The following ZNF536 variants were observed in gnomAD, a reference collection of about 807,000 sequenced individuals.
The protein encoded by ZNF536 is zinc finger protein 536.
A neutral mutation model predicts 84.5 loss-of-function variants in ZNF536; 13 were observed. That is an observed-to-expected ratio of 0.15 (90% CI 0.10 to 0.24). The LOEUF (loss-of-function observed/expected upper bound fraction) is 0.24, where lower values mean the gene tolerates loss of function less well. Ranked by LOEUF, ZNF536 falls within the 10% of genes least tolerant of loss-of-function variation. The probability of loss-of-function intolerance (pLI) is 1.00; values close to 1 mark genes in which losing one functional copy is unlikely to be tolerated. For missense variants in ZNF536, 1,536 were observed against 1,747.5 expected, an observed-to-expected ratio of 0.88 and a Z score of 2.16; for synonymous variants, 811 against 742.5, an observed-to-expected ratio of 1.09 and a Z score of -1.50.
chr19:30,255,106 G>A (rs2024839533), intron 1 of ZNF536, among the ~76,000 whole-genome samples: 1 of 152,098 alleles, frequency 6.6e-6, no homozygotes, highest in Non-Finnish European at 1.5e-5. Flanking sequence ...GCACCGTGTG[G>A]CATAATTTGC....
rs2052253361 is a variant in ZNF536 at position 30,445,046 on chromosome 19, T to G, written c.1484T>G (p.Val495Gly). 6.2e-7 allele frequency: 1 copy of G among 1,613,468 alleles called. No homozygotes were observed. ...TCCCTCCTGGGATGCCTCAATCTCG[T>G]GCCGCCGCTGAAATCCAGCTGCATC... is the stretch of plus-strand genomic sequence containing the variant. ...KHSLLGCLNL[V>G]PPLKSSCIER... Residue 495 changes from valine to glycine, a missense_variant, in exon 2 of 5, where the codon GTG (valine) becomes GGG (glycine). Around this residue, in one of 8 missense-constraint regions of ZNF536, gnomAD observed 366 missense variants for 364.4 expected, o/e 1.00. Transcript: ENST00000355537. The surrounding 1 kb of genome is among the most constrained non-coding windows in gnomAD (Gnocchi z 4.5).
chr19:30,606,177 A>C (rs893103628), intron 1 of ZNF536, among the ~76,000 whole-genome samples: 32 of 143,940 alleles, frequency 2.2e-4, no homozygotes, highest in Admixed American at 5.1e-4. Context: ...AAATAAATAA[A>C]ATAAAATAAA....
chr19:30,691,474 G>A (rs2051406684), intron 1 of ZNF536, among the ~76,000 whole-genome samples: 1 of 151,868 alleles, frequency 6.6e-6, no homozygotes, highest in South Asian at 2.1e-4. Flanking sequence ...GACATCAAAG[G>A]GGGTCTCACG....
intron 1 of ZNF536, among the ~76,000 whole-genome samples, chr19:30,384,457 C>T (rs1326240053): frequency 2.0e-5 from 3 of 150,794 alleles, no homozygotes; most frequent in Admixed American, 1.3e-4. Context: ...GGTGTCATGG[C>T]CAAGACCCTC....
chr19:30,609,773 CCCATCCAT>C (rs34324485), intron 1 of ZNF536, among the ~76,000 whole-genome samples: 25 of 136,850 alleles, frequency 1.8e-4, no homozygotes, highest in East Asian at 8.9e-4. Context: ...CACCCATCTA[CCCATCCAT>C]CCATCCATCC....
chr19:30,505,251 A>G (rs534777461), intron 2 of ZNF536, among the ~76,000 whole-genome samples: 199 of 143,120 alleles, frequency 1.4e-3, no homozygotes, highest in African/African-American at 4.8e-3. Context: ...ATATTTATTA[A>G]TATATAATAC....
At chr19:30,470,061 C>T (rs1308311750) in intron 2 of ZNF536, among the ~76,000 whole-genome samples, 2 of 152,230 alleles carry the variant, frequency 1.3e-5, no homozygotes, top group Non-Finnish European at 2.9e-5. Flanking sequence ...CTTCAAGCTG[C>T]CGTGGACAGC....
At chr19:30,568,621 G>A (rs1490930092) in intron 1 of ZNF536, among the ~76,000 whole-genome samples, 1 of 152,028 alleles carries the variant, frequency 6.6e-6, no homozygotes, top group African/African-American at 2.4e-5. Context: ...CCTGTCAATG[G>A]TTTTCCAAGG....
intron 1 of ZNF536, among the ~76,000 whole-genome samples, chr19:30,261,434 G>A (rs1356665839): frequency 6.6e-6 from 1 of 151,936 alleles, no homozygotes; most frequent in Non-Finnish European, 1.5e-5. Context: ...GCTCATGCCT[G>A]TAGGTGCTAT....
chr19:30,232,883 C>G (rs184127137), intron 1 of ZNF536, among the ~76,000 whole-genome samples: 1 of 152,186 alleles, frequency 6.6e-6, no homozygotes, highest in Non-Finnish European at 1.5e-5. Context: ...CTATGATAAT[C>G]AAAAATGTCT....
intron 1 of ZNF536, among the ~76,000 whole-genome samples, chr19:30,684,474 C>A (rs1411784732): frequency 6.6e-6 from 1 of 152,200 alleles, no homozygotes; most frequent in Non-Finnish European, 1.5e-5. Context: ...CTTCTAAAGA[C>A]AACACGTCAA....
At chr19:30,423,247 A>G (rs1430340024) in intron 1 of ZNF536, among the ~76,000 whole-genome samples, 4 of 150,134 alleles carry the variant, frequency 2.7e-5, no homozygotes, top group East Asian at 3.9e-4. Flanking sequence ...GCCCATTCAC[A>G]TATCCATCCA....
At chr19:30,580,736 T>A (rs1184611062) in intron 1 of ZNF536, among the ~76,000 whole-genome samples, 1 of 152,198 alleles carries the variant, frequency 6.6e-6, no homozygotes, top group Non-Finnish European at 1.5e-5. Flanking sequence ...TTCCAGCTCA[T>A]CCTACTCTTT....
intron 2 of ZNF536, among the ~76,000 whole-genome samples, chr19:30,521,992 C>G (rs985553783): frequency 6.6e-6 from 1 of 151,966 alleles, no homozygotes; most frequent in African/African-American, 2.4e-5. Context: ...GTAAACTACA[C>G]TGCCCTTCAA....
rs542970994 is a variant in ZNF536, at chr19:30,631,700, G to T, written c.170-79057G>T. 3.9e-3 allele frequency among the ~76,000 whole-genome samples: 600 copies of T among 152,264 alleles called. 5 individuals are homozygous for T. Among genetic ancestry groups the T allele is most frequent in the Non-Finnish European group, 6.4e-3 (438 of 68,026 alleles). On this transcript the variant is annotated intron_variant, in intron 1 of 1. Coordinates refer to the ZNF536 transcript ENST00000592773. ...GATTCCCTGGGTTACCAGTGACGGG[G>T]GATTGGGAGAAGGCTCAGGACCTAC...
chr19:30,428,646 G>A (rs538547030), intron 1 of ZNF536, among the ~76,000 whole-genome samples: 1 of 151,986 alleles, frequency 6.6e-6, no homozygotes, highest in South Asian at 2.1e-4. Flanking sequence ...CCTCTCCATA[G>A]GACATAACTT....
chr19:30,411,277 C>A (rs2050485115), intron 1 of ZNF536, among the ~76,000 whole-genome samples: 1 of 152,144 alleles, frequency 6.6e-6, no homozygotes, highest in African/African-American at 2.4e-5. Flanking sequence ...TGAGAATGGT[C>A]AGTTTCCCAA....
At position 30,613,113 on chromosome 19, in the gene ZNF536, C is replaced by G. The variant is rs145117944; in HGVS notation, c.169+63599C>G. On this transcript the variant is annotated intron_variant, in intron 1 of 1. Transcript: ENST00000592773. The stretch of plus-strand genomic sequence containing the variant: ...TGCCATGGGACTGATGTCACGTCCT[C>G]AGTGCATCCGGTCAGGAGGAACTTG... Among the ~76,000 whole-genome samples, 342 of 152,310 alleles carry G rather than the reference C, an allele frequency of 2.2e-3. 1 individual carries two copies. The highest frequency in any genetic ancestry group is 3.4e-3 in the Non-Finnish European group (233 of 68,036).
intron 1 of ZNF536, among the ~76,000 whole-genome samples, chr19:30,576,185 T>C (rs898804003): frequency 1.3e-5 from 2 of 152,124 alleles, no homozygotes; most frequent in African/African-American, 4.8e-5. Context: ...ATGAGACGAT[T>C]TGGAGAGAGC....
Sources: allele counts gnomAD v4.1 joint callset (sites outside exome capture counted in the v4.1 genomes callset), GRCh38; gene constraint gnomAD v4.1.1; regional missense constraint gnomAD v4.1.1; non-coding constraint Gnocchi (gnomAD v3.1); transcripts MANE v1.5; gene names NCBI Gene and HGNC (gene_info 2026-07-23, HGNC 2026-07-21).